Variants in DOCK4 observed in about 807,000 individuals in gnomAD.
DOCK4 encodes the protein dedicator of cytokinesis 4, also known as dedicator of cytokinesis protein 4.
DOCK4 carries 97 observed loss-of-function variants against 268.1 expected under a neutral mutation model. The ratio of observed to expected loss-of-function variants is 0.36; its 90% CI spans 0.31 to 0.43. The LOEUF is 0.43. DOCK4 is among the 20% of genes least tolerant of loss of function. The probability of loss-of-function intolerance (pLI) is 1.00; values close to 1 mark genes in which losing one functional copy is unlikely to be tolerated. For synonymous variants in DOCK4, 954 were observed against 887.2 expected (o/e 1.08, Z -1.34); for missense variants, 2,145 against 2,455.7 (o/e 0.87, Z 2.67).
intron 4 of DOCK4, among the ~76,000 whole-genome samples, chr7:111,996,217 C>T (rs1799940980): frequency 6.6e-6 from 1 of 152,154 alleles, no homozygotes; most frequent in East Asian, 1.9e-4. Context: ...GATCTGAAGA[C>T]ACAAGAAAGA....
chr7:111,970,645 T>C (rs537152560), intron 8 of DOCK4, among the ~76,000 whole-genome samples: 1 of 152,318 alleles, frequency 6.6e-6, no homozygotes, highest in East Asian at 1.9e-4. Flanking sequence ...TTTATAAAAC[T>C]AATAATTATC....
intron 1 of DOCK4, among the ~76,000 whole-genome samples, chr7:112,185,258 C>T (rs1563167215): frequency 6.6e-6 from 1 of 152,166 alleles, no homozygotes; most frequent in Non-Finnish European, 1.5e-5. Context: ...TCGTTTGATC[C>T]ACTACTTGGT....
intron 8 of DOCK4, chr7:111,971,693 G>A (rs1797727106): frequency 3.3e-6 from 1 of 299,090 alleles, no homozygotes. Context: ...CTCTTGCTTT[G>A]TCTCTGGTCT....
At chr7:112,128,323 GC>G (rs1813440747) in intron 1 of DOCK4, among the ~76,000 whole-genome samples, 1 of 151,840 alleles carries the variant, frequency 6.6e-6, no homozygotes, top group African/African-American at 2.4e-5. Flanking sequence ...CCGGCCAGCC[GC>G]CCCGTCCGGG....
intron 1 of DOCK4, 35 bp downstream of exon 1, chr7:112,206,067 A>G: frequency 1.3e-6 from 2 of 1,562,726 alleles, no homozygotes; most frequent in African/African-American, 1.4e-5. Context: ...CGCTCGGGCC[A>G]GAGCAGAATA....
intron 1 of DOCK4, among the ~76,000 whole-genome samples, chr7:112,031,205 G>A (rs904460699): frequency 1.3e-5 from 2 of 152,190 alleles, no homozygotes. Context: ...GGTTGGTTCA[G>A]ACACCTAGCA....
chr7:111,847,682 G>A (rs1804224166), intron 23 of DOCK4, among the ~76,000 whole-genome samples: 1 of 151,992 alleles, frequency 6.6e-6, no homozygotes, highest in South Asian at 2.1e-4. Flanking sequence ...CTTTTCACTT[G>A]GCTTCATTCT....
At chr7:112,163,510 A>T (rs1817324499) in intron 1 of DOCK4, among the ~76,000 whole-genome samples, 1 of 152,230 alleles carries the variant, frequency 6.6e-6, no homozygotes, top group Non-Finnish European at 1.5e-5. Context: ...TGCCAATGTC[A>T]GCCAATGAAT....
chr7:111,797,651 GA>G (rs1799993341), intron 30 of DOCK4, among the ~76,000 whole-genome samples: 1 of 152,152 alleles, frequency 6.6e-6, no homozygotes, highest in African/African-American at 2.4e-5. Flanking sequence ...AACTCTGACT[GA>G]AACCCCAAAA....
chr7:111,918,295 T>C (rs1303370807), intron 12 of DOCK4, among the ~76,000 whole-genome samples: 2 of 152,182 alleles, frequency 1.3e-5, no homozygotes, highest in African/African-American at 2.4e-5. Flanking sequence ...GTCTGGCACA[T>C]CCTCAGAACT....
Position 111,808,789 on chromosome 7 carries a change from T to C in DOCK4, c.3166+32A>G, listed in dbSNP as rs1800859761. The C allele has an allele frequency of 1.9e-6, 3 of 1,603,388 alleles. No individual in the cohort carries two copies. The South Asian group carries it at 3.4e-5, about 18-fold the overall frequency. On this transcript the variant is annotated intron_variant, in intron 30 of 52. Transcript: ENST00000428084. ...CTTCAAGGTACAGCGAGGAGCTGTA[T>C]AGTAGATGTGGCTTCTCTTTTCCTC... is the stretch of plus-strand genomic sequence containing the variant.
At chr7:112,143,408 A>G (rs947840978) in intron 1 of DOCK4, among the ~76,000 whole-genome samples, 17 of 152,194 alleles carry the variant, frequency 1.1e-4, no homozygotes, top group Non-Finnish European at 2.2e-4. Flanking sequence ...TTCTTTGAAT[A>G]TTTATAAACC....
chr7:111,765,089 G>A, intron 39 of DOCK4, 29 bp downstream of exon 39: 2 of 1,181,366 alleles, frequency 1.7e-6, no homozygotes, highest in Non-Finnish European at 2.3e-6. Context: ...TGAGAGCTGT[G>A]AAAGCAAATT....
At chr7:112,197,184 C>A (rs1238145385) in intron 1 of DOCK4, among the ~76,000 whole-genome samples, 1 of 151,956 alleles carries the variant, frequency 6.6e-6, no homozygotes, top group Non-Finnish European at 1.5e-5. Flanking sequence ...GGGAAGGGAA[C>A]CTAGTGCCAT....
At chr7:111,730,550 A>C (rs1324999885) in intron 52 of DOCK4, among the ~76,000 whole-genome samples, 1 of 152,154 alleles carries the variant, frequency 6.6e-6, no homozygotes, top group Non-Finnish European at 1.5e-5. Context: ...ACCTCTGTCA[A>C]AAGTTAGACC....
At chr7:111,741,326 C>T in intron 46 of DOCK4, 112 bp from the exon 47 acceptor site, 1 of 1,469,376 alleles carries the variant, frequency 6.8e-7, no homozygotes, top group Non-Finnish European at 9.3e-7. Context: ...TTTGTTTTCT[C>T]CTGTTTGCCT....
chr7:112,188,205 T>A (rs936588978), intron 1 of DOCK4, among the ~76,000 whole-genome samples: 1 of 152,220 alleles, frequency 6.6e-6, no homozygotes, highest in African/African-American at 2.4e-5. Context: ...ACAGTAAATA[T>A]CTCATACACT....
chr7:111,922,145 C>G (rs1000006741), intron 12 of DOCK4, among the ~76,000 whole-genome samples: 2 of 152,170 alleles, frequency 1.3e-5, no homozygotes, highest in Admixed American at 6.5e-5. Context: ...ACGCTCTGAA[C>G]AAGTGACAAA....
intron 23 of DOCK4, among the ~76,000 whole-genome samples, chr7:111,858,962 T>A (rs1021457045): frequency 1.3e-5 from 2 of 152,184 alleles, no homozygotes; most frequent in Non-Finnish European, 2.9e-5. Flanking sequence ...TTGTAACATC[T>A]AAGGTCTGAA....
Sources: allele counts gnomAD v4.1 joint callset (sites outside exome capture counted in the v4.1 genomes callset), GRCh38; gene constraint gnomAD v4.1.1; transcripts MANE v1.5; gene names NCBI Gene and HGNC (gene_info 2026-07-23, HGNC 2026-07-21).